TDRD12: variants seen among roughly 807,000 people sequenced by gnomAD.
TDRD12 encodes the protein tudor domain containing 12.
Under a neutral mutation model 133.5 loss-of-function variants are expected in TDRD12, and 158 were observed. The ratio of observed to expected loss-of-function variants is 1.18; its 90% CI spans 1.04 to 1.35. TDRD12 has a LOEUF of 1.35. Ranked by LOEUF, TDRD12 falls within the 40% of genes most tolerant of loss-of-function variation. The pLI, the probability that TDRD12 is intolerant of heterozygous loss-of-function variation, is 0.00. For missense variants in TDRD12, 1,443 were observed against 1,321.3 expected (o/e 1.09, Z -1.43); for synonymous variants, 460 against 477.9 (o/e 0.96, Z 0.49).
chr19:32,785,310 C>T (rs1454759683), intron 11 of TDRD12, among the ~76,000 whole-genome samples: 2 of 152,226 alleles, frequency 1.3e-5, no homozygotes, highest in Non-Finnish European at 2.9e-5. Context: ...TTTGATTGCA[C>T]TCTGGTCTGA....
Position 32,821,065 on chromosome 19 carries a change from A to C in TDRD12, c.3416A>C (p.Gln1139Pro), listed in dbSNP as rs756676483. The C allele has an allele frequency of 9.8e-6, 15 of 1,536,002 alleles. No homozygotes were observed. The South Asian group carries it at 1.5e-4, about 16-fold the overall frequency. ...CCAGCAGAAGATGCTGCTTGCCTGC[A>C]GAGCCCCCAGCCTGAGGACACGGGT... Residue 1139 changes from glutamine to proline, a missense_variant, in exon 28 of 28, where the codon CAG becomes CCG. Physicochemically the swap from Gln to Pro is moderately conservative, Grantham distance 76. Coordinates refer to ENST00000444215, the Ensembl canonical transcript of TDRD12.
At chr19:32,769,002 C>T (rs776704189) in intron 8 of TDRD12, among the ~76,000 whole-genome samples, 7 of 152,216 alleles carry the variant, frequency 4.6e-5, no homozygotes, top group Non-Finnish European at 8.8e-5. Context: ...TTCAGCCTCC[C>T]GAAGTGCTGG....
chr19:32,751,665 A>G (rs1969832150), intron 6 of TDRD12, among the ~76,000 whole-genome samples: 1 of 150,208 alleles, frequency 6.7e-6, no homozygotes. Context: ...CTGCAGCCTC[A>G]ACCTCCTGGG....
chr19:32,822,552 C>T (rs559193788), downstream of TDRD12, among the ~76,000 whole-genome samples: 10 of 152,282 alleles, frequency 6.6e-5, no homozygotes, highest in East Asian at 1.4e-3. Context: ...TCGAGACCAT[C>T]GTGGCTAACA....
intron 16 of TDRD12, among the ~76,000 whole-genome samples, chr19:32,799,954 T>C (rs1456477955): frequency 6.6e-6 from 1 of 151,944 alleles, no homozygotes; most frequent in Non-Finnish European, 1.5e-5. Context: ...CAGGCTGGTC[T>C]TGAATTCCTG....
At chr19:32,761,000 G>C (rs1304219520) in intron 8 of TDRD12, among the ~76,000 whole-genome samples, 1 of 152,224 alleles carries the variant, frequency 6.6e-6, no homozygotes, top group Non-Finnish European at 1.5e-5. Context: ...AGAGTGTGAA[G>C]ATTAACACTG....
At chr19:32,809,552 C>G (rs973024810) in intron 22 of TDRD12, among the ~76,000 whole-genome samples, 3 of 152,178 alleles carry the variant, frequency 2.0e-5, no homozygotes, top group Non-Finnish European at 4.4e-5. Context: ...TGCACACTGA[C>G]TTTTTCCTCA....
chr19:32,816,794 A>G (rs1322162612), intron 26 of TDRD12, among the ~76,000 whole-genome samples: 1 of 152,220 alleles, frequency 6.6e-6, no homozygotes, highest in Non-Finnish European at 1.5e-5. Flanking sequence ...AAGGATCTGT[A>G]TCAAGAACTC....
At chr19:32,787,675 C>A (rs1215637020) in intron 11 of TDRD12, among the ~76,000 whole-genome samples, 1 of 152,204 alleles carries the variant, frequency 6.6e-6, no homozygotes, top group Non-Finnish European at 1.5e-5. Flanking sequence ...CACCAAGCTC[C>A]CGCATCCCAG....
At chr19:32,781,746 T>C (rs1970773335) in intron 11 of TDRD12, among the ~76,000 whole-genome samples, 1 of 151,986 alleles carries the variant, frequency 6.6e-6, no homozygotes, top group Non-Finnish European at 1.5e-5. Context: ...GTTGCCGGTG[T>C]TTGGAAGTTT....
chr19:32,790,393 C>A, intron 11 of TDRD12, 138 bp from the exon 12 acceptor site: 1 of 827,862 alleles, frequency 1.2e-6, no homozygotes, highest in Non-Finnish European at 1.9e-6. Context: ...CCAAGCAGAA[C>A]AGAACAGGCA....
At chr19:32,807,601 C>A in exon 22 of TDRD12, 1 of 1,535,116 alleles carries the variant, frequency 6.5e-7, no homozygotes, top group Non-Finnish European at 8.7e-7. Flanking sequence ...AACGGACTTG[C>A]CCAGGAAACT....
rs562755798 is a variant in TDRD12, at chr19:32,821,231, G to A, written c.*48G>A. 1,453 of 1,078,790 alleles carry A rather than the reference G, an allele frequency of 1.3e-3. 23 individuals carry two copies. In the South Asian group the frequency reaches 0.021, roughly 15 times the overall value. 66.8% of individuals were successfully genotyped at this position (1,078,790 alleles called of 1,614,324 possible). ...TAGACTTTCTACTTTGAGATGAAAT[G>A]TAGAGAAGATGACATAAACTGATAT... On this transcript the variant is annotated 3_prime_UTR_variant, in exon 28 of 28. Transcript: ENST00000444215.
rs551483453 is a variant in TDRD12, at chr19:32,791,163, A to G, written c.1287+95A>G. ...AAATGGCTCTAAGGTTGCATTGTAT[A>G]ATTTCTTTGCTTTTGAAATTCTCTT... On this transcript the variant is annotated intron_variant, in intron 13 of 27. Coordinates refer to ENST00000444215, the Ensembl canonical transcript of TDRD12. 2,071 of 1,276,892 alleles carry G rather than the reference A, an allele frequency of 1.6e-3. 1 individual carries two copies. Among genetic ancestry groups the G allele is most frequent in the Non-Finnish European group, 2.0e-3 (1,900 of 961,392 alleles). 79.1% of individuals were successfully genotyped at this position (1,276,892 alleles called of 1,614,324 possible).
chr19:32,772,407 G>A (rs1161861732), intron 8 of TDRD12, among the ~76,000 whole-genome samples: 3 of 152,334 alleles, frequency 2.0e-5, no homozygotes, highest in African/African-American at 4.8e-5. Flanking sequence ...CCCACCTCTT[G>A]GCAGGAGGCA....
chr19:32,752,950 G>A lies in TDRD12; in HGVS notation c.583-3042G>A, dbSNP rs796562798. ...TGGGACTACAGGCACCCGCCACCAC[G>A]CCTGGCTAATTTTTTGTATATTTAA... On this transcript the variant is annotated intron_variant, in intron 6 of 27. Transcript: ENST00000444215. Among the ~76,000 whole-genome samples, 71 of 151,764 alleles carry A rather than the reference G, an allele frequency of 4.7e-4. 1 individual carries two copies. Among genetic ancestry groups the A allele is most frequent in the African/African-American group, 1.7e-3 (70 of 41,392 alleles).
intron 4 of TDRD12, 109 bp from the exon 5 acceptor site, chr19:32,748,367 G>A (rs890581634): frequency 2.1e-5 from 23 of 1,094,990 alleles, no homozygotes; most frequent in Middle Eastern, 2.0e-4. Flanking sequence ...TCTGCATCAC[G>A]TGTTCCATAT....
rs578009070 is a variant in TDRD12, at chr19:32,734,043, C to T, written c.183+2160C>T. Among the ~76,000 whole-genome samples, 272 of 151,976 alleles carry T rather than the reference C, an allele frequency of 1.8e-3. 2 individuals are homozygous for T. The highest frequency in any genetic ancestry group is 4.6e-3 in the South Asian group (22 of 4,802). ...AGTAGCTGGGACTACAGGCACCTGC[C>T]ACCATGCCCGGCTAATTTCGTTTTT... On this transcript the variant is annotated intron_variant, in intron 2 of 27. Transcript: ENST00000444215.
chr19:32,729,894 C>T (rs983308889), intron 1 of TDRD12, among the ~76,000 whole-genome samples: 2 of 148,446 alleles, frequency 1.3e-5, no homozygotes, highest in African/African-American at 5.0e-5. Context: ...GGTTTCACAC[C>T]ATTCTCCTGC....
Sources: allele counts gnomAD v4.1 joint callset (sites outside exome capture counted in the v4.1 genomes callset), GRCh38; gene constraint gnomAD v4.1.1; transcripts MANE v1.5; gene names NCBI Gene and HGNC (gene_info 2026-07-23, HGNC 2026-07-21).